PCDHA6: variants seen among roughly 807,000 people sequenced by gnomAD.
PCDHA6 encodes protocadherin alpha 6.
PCDHA6 carries 55 observed loss-of-function variants against 60.3 expected under a neutral mutation model. The observed-to-expected ratio is 0.91, with a 90% CI of 0.73 to 1.14. PCDHA6 has a LOEUF of 1.14. PCDHA6 is among the 50% of genes most tolerant of loss of function. The probability of loss-of-function intolerance (pLI) is 0.00; values close to 1 mark genes in which losing one functional copy is unlikely to be tolerated. For missense variants in PCDHA6, 1,327 were observed against 1,256.5 expected, an observed-to-expected ratio of 1.06 and a Z score of -0.85; for synonymous variants, 652 against 557.9, an observed-to-expected ratio of 1.17 and a Z score of -2.38.
chr5:140,982,380 C>G, intron 2 of PCDHA6, 95 bp from the exon 3 acceptor site: 1 of 1,577,206 alleles, frequency 6.3e-7, no homozygotes, highest in Non-Finnish European at 8.6e-7. Flanking sequence ...AGCTGCAGCC[C>G]TGGCTTCATA....
Position 140,858,059 on chromosome 5 carries a change from G to C in PCDHA6, c.2394+27574G>C, listed in dbSNP as rs200045353. 1,846 of 1,597,616 alleles carry C rather than the reference G, an allele frequency of 1.2e-3. 155 individuals carry two copies. The highest frequency in any genetic ancestry group is 1.5e-3 in the Middle Eastern group (9 of 5,984). On this transcript the variant is annotated intron_variant, in intron 1 of 3. Coordinates refer to ENST00000529310, the MANE Select transcript of PCDHA6 (RefSeq NM_018909.4). ...CACTGTGCTTGTGTCGCTTGTGGAG[G>C]GCAGCCAGGCACCCAAGGCCTCGTC...
chr5:140,927,634 A>G, intron 1 of PCDHA6: 1 of 1,614,184 alleles, frequency 6.2e-7, no homozygotes, highest in Non-Finnish European at 8.5e-7. Context: ...GACTGCACCC[A>G]ATGGGACTGT....
chr5:140,917,331 G>T (rs1256665914), intron 1 of PCDHA6, among the ~76,000 whole-genome samples: 12 of 137,574 alleles, frequency 8.7e-5, no homozygotes, highest in African/African-American at 3.0e-4. Context: ...TGGCGGGGGA[G>T]GGGGGGGATG....
At chr5:140,832,201 G>A (rs2150200141) in intron 1 of PCDHA6, among the ~76,000 whole-genome samples, 53 of 152,338 alleles carry the variant, frequency 3.5e-4, no homozygotes, top group African/African-American at 1.3e-3. Flanking sequence ...AACCTGCTGA[G>A]TCCTCAGTGA....
chr5:140,918,429 G>A (rs2078693094), intron 1 of PCDHA6, among the ~76,000 whole-genome samples: 1 of 152,164 alleles, frequency 6.6e-6, no homozygotes, highest in Non-Finnish European at 1.5e-5. Flanking sequence ...GTAGGATGTT[G>A]AATAGGAGTG....
chr5:140,842,822 G>T (rs2150345251), intron 1 of PCDHA6: 1 of 1,593,810 alleles, frequency 6.3e-7, no homozygotes. Context: ...GCGGGTGGGC[G>T]AGCGCTCGCT....
intron 1 of PCDHA6, among the ~76,000 whole-genome samples, chr5:140,897,837 C>A: frequency 6.6e-6 from 1 of 152,116 alleles, no homozygotes; most frequent in African/African-American, 2.4e-5. Context: ...TCTCCACATC[C>A]TCTCCAGCAC....
chr5:140,976,453 G>A (rs1554237653), intron 1 of PCDHA6, among the ~76,000 whole-genome samples: 1 of 152,032 alleles, frequency 6.6e-6, no homozygotes, highest in Admixed American at 6.6e-5. Flanking sequence ...AGGGAGGCTG[G>A]GGAAGAAGAA....
intron 1 of PCDHA6, chr5:140,851,883 G>A (rs2042187282): frequency 3.1e-6 from 3 of 976,924 alleles, no homozygotes; most frequent in African/African-American, 1.8e-5. Flanking sequence ...CAGAAATCTG[G>A]ATATGAGATT....
Position 140,850,173 on chromosome 5 carries a change from G to T in PCDHA6, c.2394+19688G>T, listed in dbSNP as rs2150470730. The T allele has an allele frequency of 4.0e-5, 64 of 1,594,368 alleles. 5 individuals carry two copies. The highest frequency in any genetic ancestry group is 5.0e-5 in the Non-Finnish European group (58 of 1,167,774). On this transcript the variant is annotated intron_variant, in intron 1 of 3. Coordinates refer to ENST00000529310, the MANE Select transcript of PCDHA6 (RefSeq NM_018909.4). ...GCAGGTGTTCGTGCTGGACGAGAAC[G>T]ACAATGCGCCGGCGCTGCTGACACC...
At chr5:140,840,887 T>C (rs1359040754) in intron 1 of PCDHA6, among the ~76,000 whole-genome samples, 2 of 151,984 alleles carry the variant, frequency 1.3e-5, no homozygotes, top group Non-Finnish European at 2.9e-5. Flanking sequence ...ATTTCTGATA[T>C]CCATGACATA....
In PCDHA6 at chr5:140,967,342, C is replaced by G. The variant is rs149890293; in HGVS notation, c.2395-11607C>G. On this transcript the variant is annotated intron_variant, in intron 1 of 3. Coordinates refer to ENST00000529310, the MANE Select transcript of PCDHA6 (RefSeq NM_018909.4). ...CCTACGAGCTCAGCCCCAGCGAGCACTTCGAGCTGGACCTTAAGCCCCTGC... is the reference window on the plus strand; with the variant it reads ...CCTACGAGCTCAGCCCCAGCGAGCAGTTCGAGCTGGACCTTAAGCCCCTGC... The G allele has an allele frequency of 1.9e-6, 3 of 1,607,992 alleles. No individual in the cohort carries two copies. In the African/African-American group the frequency reaches 4.0e-5, roughly 22 times the overall value.
At chr5:140,876,607 T>G (rs1480667665) in intron 1 of PCDHA6, 7 of 1,614,068 alleles carry the variant, frequency 4.3e-6, no homozygotes, top group Non-Finnish European at 5.9e-6. Flanking sequence ...GGATCGTGAC[T>G]CTGGAGCCAA....
At position 140,968,115 on chromosome 5, in the gene PCDHA6, C is replaced by T. The variant is rs199565711; in HGVS notation, c.2395-10834C>T. On this transcript the variant is annotated intron_variant, in intron 1 of 3. Coordinates refer to ENST00000529310, the MANE Select transcript of PCDHA6 (RefSeq NM_018909.4). ...ACAGATGGGGGAATACCGCAGCTCACATCCCTGCGTACACTGAAGGTTGAG... is the reference window on the plus strand; with the variant it reads ...ACAGATGGGGGAATACCGCAGCTCATATCCCTGCGTACACTGAAGGTTGAG... 8.7e-6 allele frequency: 14 copies of T among 1,614,068 alleles called. No individual in the cohort carries two copies. In the Admixed American group the frequency reaches 1.2e-4, roughly 13 times the overall value.
At chr5:140,998,779 G>T (rs782154283) in intron 3 of PCDHA6, among the ~76,000 whole-genome samples, 3 of 152,140 alleles carry the variant, frequency 2.0e-5, no homozygotes, top group Non-Finnish European at 4.4e-5. Context: ...GGTCAGGCTG[G>T]TCTGGAACCC....
chr5:140,830,065 G>A lies in PCDHA6; in HGVS notation c.1974G>A (p.Ala658=), dbSNP rs2150180583. 1 of 1,613,730 alleles carries A rather than the reference G, an allele frequency of 6.2e-7. No individual in the cohort carries two copies. The change falls in exon 1 of 4, where the codon GCG becomes GCA. Residue 658 remains alanine (A), a synonymous_variant. Transcript: ENST00000529310. ...TGGTGAAAGACCACGGTGAGCCGGC[G>A]CTGACAGCGACGGCCACGGTTCTGG... is the stretch of plus-strand genomic sequence containing the variant. ...LVLVKDHGEP[A]LTATATVLVS...
At chr5:140,927,882 G>A in intron 1 of PCDHA6, 2 of 1,614,224 alleles carry the variant, frequency 1.2e-6, no homozygotes, top group Non-Finnish European at 1.7e-6. Context: ...TGGTGGAGGT[G>A]ACTGACGTGA....
intron 3 of PCDHA6, among the ~76,000 whole-genome samples, chr5:140,993,295 C>G (rs553867145): frequency 3.3e-5 from 5 of 152,090 alleles, no homozygotes; most frequent in African/African-American, 9.7e-5. Flanking sequence ...GGGTCACAAC[C>G]TTGCCTCCAG....
At chr5:140,962,710 T>C (rs2095702479) in intron 1 of PCDHA6, among the ~76,000 whole-genome samples, 1 of 152,246 alleles carries the variant, frequency 6.6e-6, no homozygotes, top group South Asian at 2.1e-4. Context: ...ATAATCATAT[T>C]GGAAAGTATT....
Sources: allele counts gnomAD v4.1 joint callset (sites outside exome capture counted in the v4.1 genomes callset), GRCh38; gene constraint gnomAD v4.1.1; transcripts MANE v1.5; gene names NCBI Gene and HGNC (gene_info 2026-07-23, HGNC 2026-07-21).